Variants in LRMDA observed in about 807,000 individuals in gnomAD.
LRMDA encodes the protein leucine-rich melanocyte differentiation-associated protein.
A neutral mutation model predicts 29.8 loss-of-function variants in LRMDA; 18 were observed. The observed-to-expected ratio is 0.60, with a 90% CI of 0.42 to 0.90. The LOEUF (loss-of-function observed/expected upper bound fraction) is 0.90, where lower values mean the gene tolerates loss of function less well. Among genes scored for constraint, LRMDA ranks in the 40% least tolerant of loss-of-function variants. The pLI, the probability that LRMDA is intolerant of heterozygous loss-of-function variation, is 0.00. For synonymous variants in LRMDA, 125 were observed against 109.4 expected, an observed-to-expected ratio of 1.14 and a Z score of -0.89; for missense variants, 273 against 273.9, an observed-to-expected ratio of 1.00 and a Z score of 0.02.
intron 6 of LRMDA, among the ~76,000 whole-genome samples, chr10:76,491,623 G>A (rs932219838): frequency 2.6e-5 from 4 of 151,752 alleles, no homozygotes; most frequent in Non-Finnish European, 5.9e-5. Context: ...TTGGCCTTTG[G>A]GGGTTTGATT....
At chr10:75,551,099 T>A (rs1840137524) in intron 2 of LRMDA, among the ~76,000 whole-genome samples, 1 of 151,980 alleles carries the variant, frequency 6.6e-6, no homozygotes, top group African/African-American at 2.4e-5. Flanking sequence ...AATGAAAATA[T>A]TCTGTTTAAA....
In LRMDA at chr10:75,775,417, G is replaced by A. The variant is rs181637234; in HGVS notation, c.132-260591G>A. 1.6e-4 allele frequency among the ~76,000 whole-genome samples: 25 copies of A among 152,306 alleles called. No homozygotes were observed. In the East Asian group the frequency reaches 4.1e-3, roughly 25 times the overall value. On this transcript the variant is annotated intron_variant, in intron 2 of 6. Transcript: ENST00000611255. ...ACTACAGGCATGCACAACTGTGCCC[G>A]GCTTCCTTTTATAAATAGGTTTTCA... is the stretch of plus-strand genomic sequence containing the variant.
chr10:75,936,593 C>T (rs1409360017), intron 2 of LRMDA, among the ~76,000 whole-genome samples: 2 of 152,150 alleles, frequency 1.3e-5, no homozygotes, highest in African/African-American at 4.8e-5. Context: ...TTATAAACAG[C>T]AGATACTTAT....
intron 5 of LRMDA, among the ~76,000 whole-genome samples, chr10:76,140,419 C>T (rs577071975): frequency 3.2e-4 from 48 of 152,210 alleles, no homozygotes; most frequent in African/African-American, 1.1e-3. Context: ...ATGTCTCCCT[C>T]CACTCCCACC....
chr10:75,657,642 G>A (rs1288115798), intron 2 of LRMDA, among the ~76,000 whole-genome samples: 1 of 152,130 alleles, frequency 6.6e-6, no homozygotes, highest in Admixed American at 6.5e-5. Context: ...GGATTGTTGT[G>A]AAGAGTCAAT....
intron 2 of LRMDA, among the ~76,000 whole-genome samples, chr10:75,661,076 A>T (rs912299368): frequency 1.2e-4 from 18 of 152,142 alleles, no homozygotes; most frequent in African/African-American, 4.3e-4. Flanking sequence ...GGAATGCCAG[A>T]GTGACTGCTT....
intron 2 of LRMDA, among the ~76,000 whole-genome samples, chr10:75,868,804 T>C (rs988877257): frequency 1.6e-4 from 24 of 152,238 alleles, no homozygotes; most frequent in African/African-American, 5.8e-4. Flanking sequence ...TGGCTCACCT[T>C]CAAGGCCTGG....
chr10:75,885,810 A>AGG (rs1387587898), intron 2 of LRMDA, among the ~76,000 whole-genome samples: 1 of 152,284 alleles, frequency 6.6e-6, no homozygotes, highest in Non-Finnish European at 1.5e-5. Flanking sequence ...ACATGTGCCT[A>AGG]GGACATGCCT....
chr10:75,544,069 T>C (rs1354579461), intron 2 of LRMDA, among the ~76,000 whole-genome samples: 3 of 152,154 alleles, frequency 2.0e-5, no homozygotes, highest in Non-Finnish European at 4.4e-5. Flanking sequence ...AAAACTCAAC[T>C]ACAGATTCAC....
chr10:75,500,334 A>T (rs1845097749), intron 2 of LRMDA, among the ~76,000 whole-genome samples: 1 of 152,222 alleles, frequency 6.6e-6, no homozygotes. Context: ...CATCTGTCAG[A>T]TAATAATATT....
At chr10:76,175,321 C>T (rs1338260504) in intron 5 of LRMDA, among the ~76,000 whole-genome samples, 1 of 152,120 alleles carries the variant, frequency 6.6e-6, no homozygotes, top group African/African-American at 2.4e-5. Flanking sequence ...TTTGTGAGAC[C>T]TTGCCTAGTT....
intron 5 of LRMDA, among the ~76,000 whole-genome samples, chr10:76,144,989 T>C (rs1589348341): frequency 6.6e-6 from 1 of 152,232 alleles, no homozygotes; most frequent in African/African-American, 2.4e-5. Context: ...ATATGCTGGA[T>C]TACATTTATT....
At chr10:76,239,392 A>T (rs1173304838) in intron 5 of LRMDA, among the ~76,000 whole-genome samples, 1 of 152,184 alleles carries the variant, frequency 6.6e-6, no homozygotes, top group African/African-American at 2.4e-5. Flanking sequence ...AGGGCTTTTC[A>T]ATACCCAGTC....
At chr10:76,298,385 G>A (rs1840438833) in intron 5 of LRMDA, among the ~76,000 whole-genome samples, 1 of 152,188 alleles carries the variant, frequency 6.6e-6, no homozygotes, top group Admixed American at 6.5e-5. Context: ...AAGGCAGGAA[G>A]ACAGAAATAA....
At chr10:75,530,824 G>C (rs1461137345) in intron 2 of LRMDA, among the ~76,000 whole-genome samples, 1 of 152,168 alleles carries the variant, frequency 6.6e-6, no homozygotes, top group Non-Finnish European at 1.5e-5. Flanking sequence ...GATTGATCCT[G>C]GAGGACAGGA....
rs555632442 is a variant in LRMDA at position 75,459,798 on chromosome 10, A to G, written c.131+21304A>G. ...CATCTGATGAGGGCCTTCTTGCTAC[A>G]TCATCGCATGGTGGAAGTGCAAGGG... On this transcript the variant is annotated intron_variant, in intron 2 of 6. Coordinates refer to ENST00000611255, the MANE Select transcript of LRMDA (RefSeq NM_001305581.2). Among the ~76,000 whole-genome samples the G allele has an allele frequency of 2.0e-5, 3 of 152,332 alleles. No individual in the cohort carries two copies. The East Asian group carries it at 5.8e-4, about 29-fold the overall frequency.
At chr10:75,724,093 G>A (rs1002184781) in intron 2 of LRMDA, among the ~76,000 whole-genome samples, 10 of 152,108 alleles carry the variant, frequency 6.6e-5, no homozygotes, top group South Asian at 2.1e-4. Context: ...TAGATTTAGG[G>A]AAGAAAAATT....
chr10:75,793,594 G>C (rs1752715876), intron 2 of LRMDA, among the ~76,000 whole-genome samples: 1 of 152,202 alleles, frequency 6.6e-6, no homozygotes, highest in African/African-American at 2.4e-5. Context: ...TGGTCCCCTT[G>C]TGTGAATGGG....
chr10:75,678,666 C>A (rs1841989502), intron 2 of LRMDA, among the ~76,000 whole-genome samples: 1 of 152,168 alleles, frequency 6.6e-6, no homozygotes, highest in Non-Finnish European at 1.5e-5. Context: ...TTGTTAAAGT[C>A]ATCAAAATGT....
Sources: allele counts gnomAD v4.1 joint callset (sites outside exome capture counted in the v4.1 genomes callset), GRCh38; gene constraint gnomAD v4.1.1; transcripts MANE v1.5; gene names NCBI Gene and HGNC (gene_info 2026-07-23, HGNC 2026-07-21).